The following MALRD1 variants were observed in gnomAD, a reference collection of about 807,000 sequenced individuals.
MALRD1 encodes the protein MAM and LDL receptor class A domain containing 1, also known as MAM and LDL-receptor class A domain-containing protein 1.
MALRD1 carries 247 observed loss-of-function variants against 242.1 expected under a neutral mutation model. The observed-to-expected ratio is 1.02, with a 90% confidence interval of 0.92 to 1.13. The LOEUF (loss-of-function observed/expected upper bound fraction) is 1.13, where lower values mean the gene tolerates loss of function less well. Among genes scored for constraint, MALRD1 ranks in the 50% most tolerant of loss-of-function variants. The pLI is 0.00. For missense variants in MALRD1, 2,989 were observed against 2,533.1 expected (o/e 1.18, Z -3.86); for synonymous variants, 995 against 866.6 (o/e 1.15, Z -2.60).
intron 21 of MALRD1, among the ~76,000 whole-genome samples, chr10:19,306,634 T>C (rs1380652759): frequency 6.6e-6 from 1 of 150,836 alleles, no homozygotes; most frequent in Middle Eastern, 3.2e-3. Context: ...AATGAAGGTA[T>C]ATTAGTCTGT....
intron 34 of MALRD1, 115 bp downstream of exon 34, chr10:19,595,572 A>C: frequency 8.4e-7 from 1 of 1,196,828 alleles, no homozygotes; most frequent in Admixed American, 2.8e-5. Flanking sequence ...TTGTATCATT[A>C]ATAACACAGC....
At chr10:19,472,903 G>A (rs1836565463) in intron 29 of MALRD1, among the ~76,000 whole-genome samples, 1 of 150,374 alleles carries the variant, frequency 6.7e-6, no homozygotes, top group Non-Finnish European at 1.5e-5. Flanking sequence ...TTCTAATCAT[G>A]ATTTTCTGAC....
intron 33 of MALRD1, among the ~76,000 whole-genome samples, chr10:19,587,281 C>G (rs1397404121): frequency 6.6e-6 from 1 of 152,214 alleles, no homozygotes; most frequent in Non-Finnish European, 1.5e-5. Flanking sequence ...AATGCTGTTA[C>G]TAAAATGCCT....
chr10:19,207,786 G>A (rs1197526595), intron 17 of MALRD1, among the ~76,000 whole-genome samples: 4 of 152,312 alleles, frequency 2.6e-5, no homozygotes, highest in African/African-American at 9.6e-5. Context: ...ACAGGAGTGA[G>A]CCACTGCGCC....
At chr10:19,270,336 TCACACACACACA>T (rs200537040) in intron 19 of MALRD1, among the ~76,000 whole-genome samples, 27 of 130,962 alleles carry the variant, frequency 2.1e-4, no homozygotes, top group Non-Finnish European at 3.2e-4. Context: ...TCTCTCTCTC[TCACACACACACA>T]CACACACACA....
At chr10:19,661,111 C>G (rs1324695941) in intron 36 of MALRD1, among the ~76,000 whole-genome samples, 2 of 152,044 alleles carry the variant, frequency 1.3e-5, no homozygotes, top group Non-Finnish European at 2.9e-5. Context: ...GTTAGAATGG[C>G]AATCATTAAA....
rs199994855 is a variant in MALRD1, at chr10:19,091,478, C to T, written c.597+3293C>T. 7.4e-4 allele frequency among the ~76,000 whole-genome samples: 25 copies of T among 33,656 alleles called. 2 individuals carry two copies. In the East Asian group the frequency reaches 0.024, roughly 32 times the overall value. The allele number at this position is 33,656 out of a possible 152,430, so 22.1% of individuals were successfully genotyped here. ...TATTGTGTCTATTTGATTCTTCTCTCTTTTTTTCTTTATTAGTCTTGCTAG... is the reference window on the plus strand; with the variant it reads ...TATTGTGTCTATTTGATTCTTCTCTTTTTTTTTCTTTATTAGTCTTGCTAG... On this transcript the variant is annotated intron_variant, in intron 4 of 39. Coordinates refer to ENST00000454679, the MANE Select transcript of MALRD1 (RefSeq NM_001142308.3).
intron 13 of MALRD1, among the ~76,000 whole-genome samples, chr10:19,167,638 G>A (rs1292674245): frequency 6.6e-6 from 1 of 152,146 alleles, no homozygotes; most frequent in Non-Finnish European, 1.5e-5. Flanking sequence ...GAAATATAGA[G>A]CTCATACTCT....
At chr10:19,568,246 G>A (rs1196644436) in intron 33 of MALRD1, among the ~76,000 whole-genome samples, 1 of 152,138 alleles carries the variant, frequency 6.6e-6, no homozygotes, top group Non-Finnish European at 1.5e-5. Context: ...CCCCCCCTAA[G>A]TGGGGCTGTT....
At chr10:19,568,580 G>C (rs1285874858) in intron 33 of MALRD1, among the ~76,000 whole-genome samples, 1 of 151,932 alleles carries the variant, frequency 6.6e-6, no homozygotes, top group Non-Finnish European at 1.5e-5. Context: ...AACATTCAGG[G>C]CCTGAGCATC....
intron 36 of MALRD1, among the ~76,000 whole-genome samples, chr10:19,677,042 A>G (rs1460487076): frequency 6.6e-6 from 1 of 152,030 alleles, no homozygotes; most frequent in East Asian, 1.9e-4. Flanking sequence ...TATATGTACC[A>G]CATTTTTTTT....
intron 29 of MALRD1, among the ~76,000 whole-genome samples, chr10:19,490,734 C>A (rs1837454534): frequency 6.6e-6 from 1 of 152,070 alleles, no homozygotes; most frequent in Non-Finnish European, 1.5e-5. Flanking sequence ...GAAAAAAACA[C>A]ACATTCATTT....
chr10:19,292,102 A>AAAT (rs1841464092), intron 21 of MALRD1, among the ~76,000 whole-genome samples: 1 of 141,976 alleles, frequency 7.0e-6, no homozygotes, highest in South Asian at 2.2e-4. Flanking sequence ...AAAAAAAAAA[A>AAAT]TCAAATTTGT....
rs1178410946 is a variant in MALRD1 at position 19,051,921 on chromosome 10, C to CAAAAA, written c.199+2811_199+2815dup. 1.5e-3 allele frequency: 97 copies of CAAAAA among 62,742 alleles called. 2 individuals carry two copies. The highest frequency in any genetic ancestry group is 2.8e-3 in the African/African-American group (34 of 12,348). 3.9% of individuals were successfully genotyped at this position (62,742 alleles called of 1,614,324 possible). A position where few individuals can be genotyped will look rare whatever the true frequency, so the allele number is the denominator to read the frequency against. On this transcript the variant is annotated intron_variant, in intron 1 of 39. Coordinates refer to ENST00000454679, the MANE Select transcript of MALRD1 (RefSeq NM_001142308.3). ...TGGGCGACAGAGCGAGACTCCGTCT[C>CAAAAA]AAAAAAAAAAAAAAAAAAAAAAAAA...
intron 5 of MALRD1, among the ~76,000 whole-genome samples, chr10:19,121,896 T>G (rs2131376216): frequency 6.6e-6 from 1 of 152,152 alleles, no homozygotes; most frequent in African/African-American, 2.4e-5. Flanking sequence ...AATAGAAAGC[T>G]TTGAATAGTT....
intron 31 of MALRD1, among the ~76,000 whole-genome samples, chr10:19,509,071 C>T (rs1045286454): frequency 3.9e-5 from 6 of 152,056 alleles, no homozygotes; most frequent in Non-Finnish European, 7.4e-5. Context: ...AACAATTTAG[C>T]CTAATCTATT....
At position 19,498,343 on chromosome 10, in the gene MALRD1, GA is replaced by G; in HGVS notation, c.5159-141del. On this transcript the variant is annotated intron_variant, in intron 30 of 39. Coordinates refer to ENST00000454679, the MANE Select transcript of MALRD1 (RefSeq NM_001142308.3). Reference sequence around the variant, plus strand: ...ATCCTTCAATTAAAATATTAACAATGAGTACAAATGTCTTGATGCTGTAAGT... The same window carrying G: ...ATCCTTCAATTAAAATATTAACAATGGTACAAATGTCTTGATGCTGTAAGT... The G allele has an allele frequency of 5.8e-6, 4 of 689,514 alleles. No individual in the cohort carries two copies. The East Asian group carries it at 8.4e-5, about 14-fold the overall frequency. 42.7% of individuals were successfully genotyped at this position (689,514 alleles called of 1,614,324 possible).
At chr10:19,380,835 A>T (rs556907224) in intron 26 of MALRD1, among the ~76,000 whole-genome samples, 1 of 151,942 alleles carries the variant, frequency 6.6e-6, no homozygotes, top group South Asian at 2.1e-4. Flanking sequence ...TTTACTGGAA[A>T]TTTTTTGTAA....
rs570387230 is a variant in MALRD1 at position 19,250,329 on chromosome 10, A to G, written c.2992-7355A>G. On this transcript the variant is annotated intron_variant, in intron 18 of 39. Coordinates refer to ENST00000454679, the MANE Select transcript of MALRD1 (RefSeq NM_001142308.3). ...TATCAACCAGACTTTTTTCAATTAA[A>G]TCATTCATTGTAACCTTTAGTAAAA... 1.4e-3 allele frequency among the ~76,000 whole-genome samples: 209 copies of G among 152,132 alleles called. 2 individuals are homozygous for G. Among genetic ancestry groups the G allele is most frequent in the African/African-American group, 4.9e-3 (202 of 41,538 alleles).
Sources: allele counts gnomAD v4.1 joint callset (sites outside exome capture counted in the v4.1 genomes callset), GRCh38; gene constraint gnomAD v4.1.1; transcripts MANE v1.5; gene names NCBI Gene and HGNC (gene_info 2026-07-23, HGNC 2026-07-21).